The following C1orf105 variants were observed in gnomAD, a reference collection of about 807,000 sequenced individuals.
The protein encoded by C1orf105 is chromosome 1 open reading frame 105.
In C1orf105, 17 loss-of-function variants were observed where a neutral mutation model predicts 20.8. That is an observed-to-expected ratio of 0.82 (90% CI 0.56 to 1.23). The LOEUF (loss-of-function observed/expected upper bound fraction) is 1.23, where lower values mean the gene tolerates loss of function less well. Ranked by LOEUF, C1orf105 falls within the 50% of genes most tolerant of loss-of-function variation. C1orf105 has a pLI of 0.00. For missense variants in C1orf105, 219 were observed against 213.5 expected, an observed-to-expected ratio of 1.03 and a Z score of -0.16; for synonymous variants, 72 against 72.1, an observed-to-expected ratio of 1.00 and a Z score of 0.01.
At position 172,425,577 on chromosome 1, in the gene C1orf105, G is replaced by GC. The variant is rs572185893; in HGVS notation, c.21+4674dup. Among the ~76,000 whole-genome samples the GC allele has an allele frequency of 4.7e-3, 713 of 152,150 alleles. 8 individuals carry two copies. The highest frequency in any genetic ancestry group is 0.016 in the African/African-American group (679 of 41,490). ...TGGCCAAAGGAGTATGCCTTATCAG[G>GC]CCCAACCTTCCACAGAATGTTGGTC... On this transcript the variant is annotated intron_variant, in intron 1 of 6. Transcript: ENST00000367727.
At position 172,445,171 on chromosome 1, in the gene C1orf105, C is replaced by A. The variant is rs370717474; in HGVS notation, c.107+13C>A. On this transcript the variant is annotated intron_variant, in intron 2 of 6. Transcript: ENST00000367727. ...GCCTTCCCAGAAGGTAACCTCTCAG[C>A]CACCGAGGGCAAAAGTTTTACGAAA... is the stretch of plus-strand genomic sequence containing the variant. 1 of 1,595,598 alleles carries A rather than the reference C, an allele frequency of 6.3e-7. No homozygotes were observed. The highest frequency in any genetic ancestry group is 8.6e-7 in the Non-Finnish European group (1 of 1,168,048).
intron 4 of C1orf105, among the ~76,000 whole-genome samples, chr1:172,460,202 A>G (rs565409854): frequency 6.6e-6 from 1 of 152,358 alleles, no homozygotes; most frequent in South Asian, 2.1e-4. Context: ...ACATGATATC[A>G]TAAACACCGA....
At chr1:172,455,733 G>C (rs998919929) in intron 3 of C1orf105, among the ~76,000 whole-genome samples, 1 of 152,158 alleles carries the variant, frequency 6.6e-6, no homozygotes, top group African/African-American at 2.4e-5. Flanking sequence ...TCCACTGATT[G>C]CTTCTTCACC....
chr1:172,430,003 G>A (rs534194148), intron 1 of C1orf105, among the ~76,000 whole-genome samples: 65 of 152,302 alleles, frequency 4.3e-4, no homozygotes, highest in Non-Finnish European at 2.6e-4. Flanking sequence ...GTGATAAGAA[G>A]CAGAGCTGGG....
At chr1:172,442,335 C>T (rs1452002360) in intron 1 of C1orf105, 3 of 1,613,060 alleles carry the variant, frequency 1.9e-6, no homozygotes, top group Non-Finnish European at 2.5e-6. Flanking sequence ...ACAAAACATA[C>T]CCAATCAGTG....
At chr1:172,436,672 T>C (rs1228970977) in intron 1 of C1orf105, among the ~76,000 whole-genome samples, 1 of 152,210 alleles carries the variant, frequency 6.6e-6, no homozygotes, top group Non-Finnish European at 1.5e-5. Context: ...ATTCAGGATA[T>C]AGGCATGGGC....
intron 1 of C1orf105, among the ~76,000 whole-genome samples, chr1:172,424,530 A>G (rs777701051): frequency 3.9e-5 from 6 of 152,164 alleles, no homozygotes; most frequent in Non-Finnish European, 8.8e-5. Context: ...AGCTGGGACT[A>G]CAGGTGCCTG....
At chr1:172,450,776 G>C (rs906340398) in intron 3 of C1orf105, among the ~76,000 whole-genome samples, 19 of 152,184 alleles carry the variant, frequency 1.2e-4, no homozygotes, top group Non-Finnish European at 2.6e-4. Context: ...GTATTTCCTA[G>C]TGACTAGACA....
At chr1:172,422,130 A>T (rs1230969171) in intron 1 of C1orf105, among the ~76,000 whole-genome samples, 1 of 152,032 alleles carries the variant, frequency 6.6e-6, no homozygotes, top group Non-Finnish European at 1.5e-5. Flanking sequence ...GGAGCGCACG[A>T]TCTAGTAAGA....
At chr1:172,450,134 C>G (rs180948535) in intron 3 of C1orf105, among the ~76,000 whole-genome samples, 11 of 152,344 alleles carry the variant, frequency 7.2e-5, no homozygotes, top group African/African-American at 2.4e-4. Context: ...AGCTGCGCAG[C>G]CCAAAGGGCT....
chr1:172,446,498 C>T (rs1471436866), intron 2 of C1orf105, among the ~76,000 whole-genome samples: 1 of 152,210 alleles, frequency 6.6e-6, no homozygotes, highest in Admixed American at 6.5e-5. Flanking sequence ...GTCCAGAGGC[C>T]AGATCCACTG....
intron 1 of C1orf105, chr1:172,443,454 A>T (rs79531617): frequency 6.0e-6 from 1 of 167,122 alleles, no homozygotes; most frequent in Non-Finnish European, 1.5e-5. Flanking sequence ...CAAAGCCTCA[A>T]AGAAACTAGA....
chr1:172,429,971 C>T (rs1359331709), intron 1 of C1orf105, among the ~76,000 whole-genome samples: 1 of 152,220 alleles, frequency 6.6e-6, no homozygotes, highest in Non-Finnish European at 1.5e-5. Flanking sequence ...ACACCACCCT[C>T]CAGCCTTACC....
In C1orf105 at chr1:172,441,872, C is replaced by T. The variant is rs1191269666; in HGVS notation, c.22-3201C>T. On this transcript the variant is annotated intron_variant, in intron 1 of 6. Coordinates refer to ENST00000367727, the MANE Select transcript of C1orf105 (RefSeq NM_139240.4). ...ATCAGCAGAAGGGCAAAGAGTACGG[C>T]TCCCACAGCACTAATGGACAGTAGG... 3.7e-6 allele frequency: 6 copies of T among 1,614,046 alleles called. No individual in the cohort carries two copies. The Admixed American group carries it at 1.0e-4, about 27-fold the overall frequency.
intron 1 of C1orf105, chr1:172,443,900 G>A: frequency 1.1e-6 from 1 of 950,294 alleles, no homozygotes; most frequent in Non-Finnish European, 1.3e-6. Context: ...CACTTCCGCC[G>A]CCGCCCCTCA....
intron 4 of C1orf105, among the ~76,000 whole-genome samples, chr1:172,457,187 G>C (rs575262653): frequency 1.3e-5 from 2 of 152,166 alleles, no homozygotes. Flanking sequence ...TAGAGTTAGC[G>C]CTGGGATGGT....
At chr1:172,448,034 GT>G (rs764220067) in intron 2 of C1orf105, among the ~76,000 whole-genome samples, 4 of 152,234 alleles carry the variant, frequency 2.6e-5, no homozygotes, top group Non-Finnish European at 4.4e-5. Context: ...CAGGTGGATT[GT>G]TTCAGGGTGC....
At chr1:172,445,038 A>G (rs527675527) in intron 1 of C1orf105, 35 bp from the exon 2 acceptor site, 4 of 1,536,374 alleles carry the variant, frequency 2.6e-6, no homozygotes, top group African/African-American at 1.4e-5. Context: ...TTTAAGTGTG[A>G]TATATTCTGT....
At chr1:172,468,370 C>A (rs1224933439) in intron 6 of C1orf105, 79 bp from the exon 7 acceptor site, 3 of 1,132,030 alleles carry the variant, frequency 2.7e-6, no homozygotes, top group Non-Finnish European at 2.4e-6. Context: ...TCTTTGTTGG[C>A]CTGTGGTTAT....
Sources: allele counts gnomAD v4.1 joint callset (sites outside exome capture counted in the v4.1 genomes callset), GRCh38; gene constraint gnomAD v4.1.1; transcripts MANE v1.5; gene names NCBI Gene and HGNC (gene_info 2026-07-23, HGNC 2026-07-21).